Variants in SETD3 observed in about 807,000 individuals in gnomAD.
SETD3 encodes actin-histidine N-methyltransferase.
In SETD3, 19 loss-of-function variants were observed where a neutral mutation model predicts 63.0. The ratio of observed to expected loss-of-function variants is 0.30; its 90% CI spans 0.21 to 0.44. SETD3 has a LOEUF of 0.44. Among genes scored for constraint, SETD3 ranks in the 20% least tolerant of loss-of-function variants. The probability of loss-of-function intolerance (pLI) is 1.00; values close to 1 mark genes in which losing one functional copy is unlikely to be tolerated. For synonymous variants in SETD3, 286 were observed against 264.1 expected, an observed-to-expected ratio of 1.08 and a Z score of -0.80; for missense variants, 587 against 728.5, an observed-to-expected ratio of 0.81 and a Z score of 2.24.
upstream of SETD3, chr14:99,481,458 A>T: frequency 2.5e-6 from 1 of 398,676 alleles, no homozygotes; most frequent in Non-Finnish European, 4.4e-6. Flanking sequence ...GACGTCGCTG[A>T]GGGGCTTGCC....
intron 6 of SETD3, among the ~76,000 whole-genome samples, chr14:99,428,018 C>A (rs1362387196): frequency 6.6e-6 from 1 of 152,140 alleles, no homozygotes; most frequent in Non-Finnish European, 1.5e-5. Context: ...TTAAGGGAAG[C>A]TGAGCAGCTG....
Position 99,423,821 on chromosome 14 carries a change from C to T in SETD3, c.676-9887G>A, listed in dbSNP as rs113435016. Among the ~76,000 whole-genome samples the T allele has an allele frequency of 8.5e-3, 1,290 of 152,156 alleles. 14 individuals carry two copies. Among genetic ancestry groups the T allele is most frequent in the African/African-American group, 0.029 (1,203 of 41,504 alleles). Reference sequence around the variant, plus strand: ...CTGTACCTGGTTTCTCTTATGAGAACGGCCAAGGGATATCCAAGTAGCACA... The same window carrying T: ...CTGTACCTGGTTTCTCTTATGAGAATGGCCAAGGGATATCCAAGTAGCACA... On this transcript the variant is annotated intron_variant, in intron 6 of 12. Coordinates refer to ENST00000331768, the MANE Select transcript of SETD3 (RefSeq NM_032233.3).
intron 1 of SETD3, among the ~76,000 whole-genome samples, chr14:99,472,029 T>C (rs1353653525): frequency 2.0e-5 from 3 of 152,214 alleles, no homozygotes; most frequent in African/African-American, 7.2e-5. Context: ...CCTGAAATCC[T>C]GCATTAGCTC....
chr14:99,461,477 T>G, intron 3 of SETD3, 137 bp from the exon 4 acceptor site: 2 of 820,802 alleles, frequency 2.4e-6, no homozygotes, highest in Middle Eastern at 6.6e-4. Context: ...TCAAAACTAA[T>G]CACCAGATGG....
chr14:99,404,933 A>C (rs1891598879), intron 10 of SETD3, among the ~76,000 whole-genome samples: 1 of 152,242 alleles, frequency 6.6e-6, no homozygotes, highest in South Asian at 2.1e-4. Flanking sequence ...AAAGACATGA[A>C]TGATACGAAA....
chr14:99,402,198 G>A (rs73348698), intron 11 of SETD3, among the ~76,000 whole-genome samples: 5,615 of 152,212 alleles, frequency 0.037, 250 homozygotes, highest in East Asian at 0.13. Context: ...CCAAACAGTC[G>A]CTGAGCTCCA....
In SETD3 at chr14:99,465,824, G is replaced by A. The variant is rs944334839; in HGVS notation, c.-8-11C>T. The A allele has an allele frequency of 3.1e-6, 5 of 1,588,420 alleles. No homozygotes were observed. Among genetic ancestry groups the A allele is most frequent in the African/African-American group, 2.7e-5 (2 of 73,926 alleles). On this transcript the variant is annotated splice_polypyrimidine_tract_variant and intron_variant, in intron 1 of 12. Transcript: ENST00000331768. ...TACCCATTTTTCTGACTACAGAGAA[G>A]AGAAAGAAAAGAGAAAAAAATTACA...
intron 6 of SETD3, among the ~76,000 whole-genome samples, chr14:99,442,740 G>T (rs951220836): frequency 2.6e-5 from 4 of 152,174 alleles, no homozygotes; most frequent in African/African-American, 9.7e-5. Flanking sequence ...TGCGTTACTG[G>T]TAAGGCCTCT....
At chr14:99,424,584 A>G (rs1298007956) in intron 6 of SETD3, among the ~76,000 whole-genome samples, 1 of 152,180 alleles carries the variant, frequency 6.6e-6, no homozygotes, top group South Asian at 2.1e-4. Flanking sequence ...AGAAAGAAAG[A>G]GTGAAAACAC....
intron 8 of SETD3, among the ~76,000 whole-genome samples, chr14:99,407,092 T>C (rs1891723735): frequency 6.6e-6 from 1 of 152,256 alleles, no homozygotes; most frequent in South Asian, 2.1e-4. Flanking sequence ...TTCTGAATTA[T>C]GGATATATGC....
intron 1 of SETD3, among the ~76,000 whole-genome samples, chr14:99,476,781 T>C (rs1261076557): frequency 6.6e-6 from 1 of 152,256 alleles, no homozygotes; most frequent in African/African-American, 2.4e-5. Context: ...TATGTCCTGA[T>C]GAATTGTATT....
chr14:99,400,671 G>A (rs1305887184), intron 11 of SETD3, among the ~76,000 whole-genome samples: 10 of 152,124 alleles, frequency 6.6e-5, no homozygotes, highest in African/African-American at 2.4e-5. Context: ...CGATGTAAAC[G>A]GTGAAAGGAA....
At chr14:99,439,280 C>T (rs940406973) in intron 6 of SETD3, among the ~76,000 whole-genome samples, 1 of 152,232 alleles carries the variant, frequency 6.6e-6, no homozygotes, top group African/African-American at 2.4e-5. Flanking sequence ...TTCTCACCCC[C>T]AACTCCAGAC....
chr14:99,404,330 A>G lies in SETD3; in HGVS notation c.1092-20T>C. 1 of 1,610,734 alleles carries G rather than the reference A, an allele frequency of 6.2e-7. No individual in the cohort carries two copies. The highest frequency in any genetic ancestry group is 1.1e-5 in the South Asian group (1 of 90,998). ...CTGGAACTGATAAAAGCAGAAAGCAAGATCAGTCACCCTGCTGCGGTTACC... is the reference window on the plus strand; with the variant it reads ...CTGGAACTGATAAAAGCAGAAAGCAGGATCAGTCACCCTGCTGCGGTTACC... On this transcript the variant is annotated intron_variant, in intron 10 of 12. Coordinates refer to ENST00000331768, the MANE Select transcript of SETD3 (RefSeq NM_032233.3).
rs540525838 is a variant in SETD3 at position 99,413,865 on chromosome 14, C to T, written c.734+11G>A. ...CCTCAATACACAGACACACTCACAG[C>T]CCACACCAACCTGTAGTCCTCGTAA... On this transcript the variant is annotated intron_variant, in intron 7 of 12. Transcript: ENST00000331768. 2 of 1,613,902 alleles carry T rather than the reference C, an allele frequency of 1.2e-6. No individual in the cohort carries two copies. Among genetic ancestry groups the T allele is most frequent in the South Asian group, 1.1e-5 (1 of 91,078 alleles).
intron 6 of SETD3, among the ~76,000 whole-genome samples, chr14:99,427,512 A>G (rs1217354054): frequency 6.6e-6 from 1 of 152,232 alleles, no homozygotes; most frequent in Non-Finnish European, 1.5e-5. Context: ...CTTAATCTCA[A>G]AAGTTATCAA....
At position 99,398,624 on chromosome 14, in the gene SETD3, C is replaced by T. The variant is rs1046690626; in HGVS notation, c.*55G>A. On this transcript the variant is annotated 3_prime_UTR_variant, in exon 13 of 13. Transcript: ENST00000331768. ...TAACAAGGAAACACAGCGATGTGAA[C>T]GGACTGTCCGTCAACTCCTGCTCCA... The T allele has an allele frequency of 6.7e-6, 10 of 1,487,982 alleles. No individual in the cohort carries two copies. Among genetic ancestry groups the T allele is most frequent in the Admixed American group, 5.3e-5 (3 of 56,422 alleles). 92.2% of individuals were successfully genotyped at this position (1,487,982 alleles called of 1,614,324 possible). A position where few individuals can be genotyped will look rare whatever the true frequency, so the allele number is the denominator to read the frequency against.
chr14:99,469,891 C>A (rs1421727615), intron 1 of SETD3, among the ~76,000 whole-genome samples: 1 of 152,238 alleles, frequency 6.6e-6, no homozygotes, highest in Non-Finnish European at 1.5e-5. Flanking sequence ...AGTCCTTCCC[C>A]CAGTAGCCCA....
chr14:99,467,678 A>G (rs1163561476), intron 1 of SETD3, among the ~76,000 whole-genome samples: 1 of 152,224 alleles, frequency 6.6e-6, no homozygotes, highest in Admixed American at 6.5e-5. Flanking sequence ...GCCTTGCCTG[A>G]AAGACCTTCT....
Sources: gnomAD v4.1 joint callset for allele counts (sites outside exome capture counted in the v4.1 genomes callset) on GRCh38, gnomAD v4.1.1 for gene constraint, MANE v1.5 for transcripts, NCBI Gene and HGNC (gene_info 2026-07-23, HGNC 2026-07-21) for gene names.